ALDH1B1: variants seen among roughly 807,000 people sequenced by gnomAD.
The protein encoded by ALDH1B1 is aldehyde dehydrogenase 1 family member B1, also known as aldehyde dehydrogenase family 1 member B1, mitochondrial.
ALDH1B1 carries 19 observed loss-of-function variants against 26.2 expected under a neutral mutation model. That is an observed-to-expected ratio of 0.72 (90% CI 0.51 to 1.06). The LOEUF (loss-of-function observed/expected upper bound fraction) is 1.06. ALDH1B1 is among the 50% of genes least tolerant of loss of function. The pLI is 0.00. For synonymous variants in ALDH1B1, 249 were observed against 286.0 expected (o/e 0.87, Z 1.31); for missense variants, 671 against 683.1 (o/e 0.98, Z 0.20).
rs1465105958 is a variant in ALDH1B1, at chr9:38,396,109, T to C, written c.361T>C (p.Ser121Pro). The change falls in exon 2 of 2, where the codon TCA (serine) becomes CCA (proline). Residue 121 changes from serine (S) to proline (P), a missense_variant. Physicochemically the swap from Ser to Pro is moderately conservative, Grantham distance 74. Transcript: ENST00000377698. The stretch of plus-strand genomic sequence containing the variant: ...GGAGCGGGATCGAGTCTACTTGGCC[T>C]CACTCGAGACCTTGGACAATGGGAA... ...LVERDRVYLA[S>P]LETLDNGKPF... 6.2e-7 allele frequency: 1 copy of C among 1,614,216 alleles called. No homozygotes were observed. Among genetic ancestry groups the C allele is most frequent in the Middle Eastern group, 1.6e-4 (1 of 6,062 alleles).
Position 38,396,429 on chromosome 9 carries a change from G to A in ALDH1B1, c.681G>A (p.Glu227=). Residue 227 remains glutamate (E), a synonymous_variant, in exon 2 of 2, where the codon GAG becomes GAA. Coordinates refer to ENST00000377698, the MANE Select transcript of ALDH1B1 (RefSeq NM_000692.5). ...TGTATTTGGCCTCCCTCATCAAGGA[G>A]GCAGGCTTTCCCCCTGGGGTGGTGA... The part of the protein sequence containing the change: ...SALYLASLIK[E]AGFPPGVVNI... The A allele has an allele frequency of 6.2e-7, 1 of 1,614,156 alleles. No homozygotes were observed.
rs766769500 is a variant in ALDH1B1, at chr9:38,395,941, A to G, written c.193A>G (p.Ile65Val). The G allele has an allele frequency of 1.2e-6, 2 of 1,613,930 alleles. No individual in the cohort carries two copies. Among genetic ancestry groups the G allele is most frequent in the East Asian group, 4.5e-5 (2 of 44,874 alleles). The change falls in exon 2 of 2, where the codon ATT becomes GTT. Residue 65 changes from isoleucine (I) to valine (V), a missense_variant. Coordinates refer to ENST00000377698, the MANE Select transcript of ALDH1B1 (RefSeq NM_000692.5). Reference sequence around the variant, plus strand: ...GGTCAACCCTACCACCGGGGAGGTCATTGGGCACGTGGCTGAAGGTGACCG... The same window carrying G: ...GGTCAACCCTACCACCGGGGAGGTCGTTGGGCACGTGGCTGAAGGTGACCG... ...PTVNPTTGEV[I>V]GHVAEGDRAD...
chr9:38,395,675 GCCC>G, intron 1 of ALDH1B1, 62 bp from the exon 2 acceptor site: 3 of 1,510,070 alleles, frequency 2.0e-6, no homozygotes, highest in Non-Finnish European at 1.8e-6. Context: ...GAGCTGGTGG[GCCC>G]TTGGGTACCG....
In ALDH1B1 at chr9:38,396,182, T is replaced by C. The variant is rs1281173790; in HGVS notation, c.434T>C (p.Val145Ala). Reference sequence around the variant, plus strand: ...TTGGACTTGGATGAGGTCATCAAGGTGTATCGGTACTTTGCTGGCTGGGCT... The same window carrying C: ...TTGGACTTGGATGAGGTCATCAAGGCGTATCGGTACTTTGCTGGCTGGGCT... ...YALDLDEVIK[V>A]YRYFAGWADK... The change falls in exon 2 of 2, where the codon GTG (valine) becomes GCG (alanine). Residue 145 changes from valine (V) to alanine (A), a missense_variant. Transcript: ENST00000377698. 6.8e-6 allele frequency: 11 copies of C among 1,614,002 alleles called. No individual in the cohort carries two copies. The East Asian group carries it at 2.0e-4, about 29-fold the overall frequency.
At position 38,396,181 on chromosome 9, in the gene ALDH1B1, G is replaced by A. The variant is rs913197561; in HGVS notation, c.433G>A (p.Val145Met). The A allele has an allele frequency of 5.6e-6, 9 of 1,614,098 alleles. 1 individual carries two copies. Among genetic ancestry groups the A allele is most frequent in the South Asian group, 2.2e-5 (2 of 91,090 alleles). The change falls in exon 2 of 2, where the codon GTG becomes ATG. Residue 145 changes from valine to methionine, a missense_variant. By Grantham distance (21) the Val-to-Met change is conservative. Transcript: ENST00000377698. Reference protein sequence around the residue: ...YALDLDEVIKVYRYFAGWADK... With the variant: ...YALDLDEVIKMYRYFAGWADK... ...CTTGGACTTGGATGAGGTCATCAAG[G>A]TGTATCGGTACTTTGCTGGCTGGGC... is the stretch of plus-strand genomic sequence containing the variant.
rs1170180690 is a variant in ALDH1B1 at position 38,396,984 on chromosome 9, T to C, written c.1236T>C (p.Ile412=). ...GTGGCGTGCAGGATGACATGAGAAT[T>C]GCCAAAGAGGAGATCTTTGGGCCTG... is the stretch of plus-strand genomic sequence containing the variant. The part of the protein sequence containing the change: ...VFGGVQDDMR[I]AKEEIFGPVQ... The change falls in exon 2 of 2, where the codon ATT becomes ATC. Residue 412 remains isoleucine (I), a synonymous_variant. Coordinates refer to ENST00000377698, the MANE Select transcript of ALDH1B1 (RefSeq NM_000692.5). The C allele has an allele frequency of 3.1e-6, 5 of 1,614,132 alleles. No individual in the cohort carries two copies. The highest frequency in any genetic ancestry group is 4.2e-6 in the Non-Finnish European group (5 of 1,180,012).
rs1391603644 is a variant in ALDH1B1, at chr9:38,396,816, C to T, written c.1068C>T (p.Thr356=). The change falls in exon 2 of 2, where the codon ACC becomes ACT. Residue 356 remains threonine, a synonymous_variant. Transcript: ENST00000377698. ...TGGGGAACCCCTTTGAGCTGGACAC[C>T]CAGCAGGGGCCTCAGGTGGACAAGG... The part of the protein sequence containing the change: ...RKVGNPFELD[T]QQGPQVDKEQ... 6.2e-7 allele frequency: 1 copy of T among 1,614,158 alleles called. No individual in the cohort carries two copies. Among genetic ancestry groups the T allele is most frequent in the Non-Finnish European group, 8.5e-7 (1 of 1,180,034 alleles).
Position 38,395,814 on chromosome 9 carries a change from A to G in ALDH1B1, c.66A>G (p.Ala22=). ...LQGRTARYSS[A]AALPSPILNP... ...GCAGGACCGCCCGCTACTCCTCGGC[A>G]GCAGCCCTCCCAAGCCCCATTCTGA... The change falls in exon 2 of 2, where the codon GCA becomes GCG. Residue 22 remains alanine, a synonymous_variant. Transcript: ENST00000377698. 6.2e-7 allele frequency: 1 copy of G among 1,612,890 alleles called. No individual in the cohort carries two copies.
At position 38,398,436 on chromosome 9, in the gene ALDH1B1, T is replaced by C. The variant is rs1217637879; in HGVS notation, c.*1134T>C. 6.6e-6 allele frequency: 1 copy of C among 152,160 alleles called. No homozygotes were observed. Among genetic ancestry groups the C allele is most frequent in the Non-Finnish European group, 1.5e-5 (1 of 67,864 alleles). The allele number at this position is 152,160 out of a possible 1,614,324, so 9.4% of individuals were successfully genotyped here. A position where few individuals can be genotyped will look rare whatever the true frequency, so the allele number is the denominator to read the frequency against. On this transcript the variant is annotated 3_prime_UTR_variant, in exon 2 of 2. Transcript: ENST00000377698. ...TTCAAGCGATTCTCCTGTCTCAGCC[T>C]CCTGAGTAGCTGGGATTATAGGTAC...
In ALDH1B1 at chr9:38,395,950, G is replaced by A. The variant is rs143477600; in HGVS notation, c.202G>A (p.Val68Met). 5.0e-6 allele frequency: 8 copies of A among 1,613,746 alleles called. No homozygotes were observed. Among genetic ancestry groups the A allele is most frequent in the African/African-American group, 2.7e-5 (2 of 75,062 alleles). Residue 68 changes from valine (V) to methionine (M), a missense_variant, in exon 2 of 2, where the codon GTG (valine) becomes ATG (methionine). By Grantham distance (21) the Val-to-Met change is conservative (BLOSUM62 1). Coordinates refer to ENST00000377698, the MANE Select transcript of ALDH1B1 (RefSeq NM_000692.5). ...NPTTGEVIGH[V>M]AEGDRADVDR... is the part of the protein sequence containing the mutation. ...TACCACCGGGGAGGTCATTGGGCAC[G>A]TGGCTGAAGGTGACCGGGCTGATGT...
At position 38,397,152 on chromosome 9, in the gene ALDH1B1, G is replaced by T. The variant is rs1388161448; in HGVS notation, c.1404G>T (p.Val468=). The T allele has an allele frequency of 2.5e-6, 4 of 1,614,100 alleles. No homozygotes were observed. The highest frequency in any genetic ancestry group is 3.4e-6 in the Non-Finnish European group (4 of 1,180,054). ...YFTQALQAGT[V]WVNTYNIVTC... is the part of the protein sequence containing the mutation. ...CCCAGGCACTCCAGGCCGGGACCGT[G>T]TGGGTAAACACCTACAACATCGTCA... The change falls in exon 2 of 2, where the codon GTG becomes GTT. Residue 468 remains valine, a synonymous_variant. Coordinates refer to ENST00000377698, the MANE Select transcript of ALDH1B1 (RefSeq NM_000692.5).
chr9:38,398,267 A>T lies in ALDH1B1; in HGVS notation c.*965A>T, dbSNP rs1821327225. 2 of 166,054 alleles carry T rather than the reference A, an allele frequency of 1.2e-5. No homozygotes were observed. The highest frequency in any genetic ancestry group is 6.6e-5 in the Admixed American group (1 of 15,182). The allele number at this position is 166,054 out of a possible 1,614,324, so 10.3% of individuals were successfully genotyped here. On this transcript the variant is annotated 3_prime_UTR_variant, in exon 2 of 2. Coordinates refer to ENST00000377698, the MANE Select transcript of ALDH1B1 (RefSeq NM_000692.5). ...TGATTTGGTAAAAATACTAAAAACTATGGAATTGTTTAATTATGGTATATG... is the reference window on the plus strand; with the variant it reads ...TGATTTGGTAAAAATACTAAAAACTTTGGAATTGTTTAATTATGGTATATG...
chr9:38,394,557 G>A lies in ALDH1B1; in HGVS notation c.-9-1183G>A, dbSNP rs565152381. 149 of 983,218 alleles carry A rather than the reference G, an allele frequency of 1.5e-4. No individual in the cohort carries two copies. In the African/African-American group the frequency reaches 2.3e-3, roughly 15 times the overall value. 60.9% of individuals were successfully genotyped at this position (983,218 alleles called of 1,614,324 possible). A position where few individuals can be genotyped will look rare whatever the true frequency, so the allele number is the denominator to read the frequency against. ...TCCTTCCACTTCGGCCTACCAAAGC[G>A]TTACCAGCGTAAGCCACCACGCCCA... On this transcript the variant is annotated intron_variant, in intron 1 of 1. Transcript: ENST00000377698.
At position 38,396,268 on chromosome 9, in the gene ALDH1B1, G is replaced by A. The variant is rs770082110; in HGVS notation, c.520G>A (p.Glu174Lys). Residue 174 changes from glutamate (E) to lysine (K), a missense_variant, in exon 2 of 2, where the codon GAG (glutamate) becomes AAG (lysine). Transcript: ENST00000377698. ...CCAGCATTTCTGCTTCACCCGGCAT[G>A]AGCCCGTTGGTGTCTGTGGCCAGAT... ...DGQHFCFTRH[E>K]PVGVCGQIIP... is the part of the protein sequence containing the mutation. 6.8e-6 allele frequency: 11 copies of A among 1,614,182 alleles called. No homozygotes were observed. The highest frequency in any genetic ancestry group is 7.6e-6 in the Non-Finnish European group (9 of 1,180,028).
At position 38,397,297 on chromosome 9, in the gene ALDH1B1, T is replaced by G. The variant is rs779796689; in HGVS notation, c.1549T>G (p.Ser517Ala). The G allele has an allele frequency of 1.2e-6, 2 of 1,607,476 alleles. No individual in the cohort carries two copies. The highest frequency in any genetic ancestry group is 2.2e-5 in the South Asian group (2 of 90,418). The change falls in exon 2 of 2, where the codon TCG (serine) becomes GCG (alanine). Residue 517 changes from serine (S) to alanine (A), a missense_variant. Transcript: ENST00000377698. ...TVTIKVPQKNS is the reference protein window; with the variant it reads ...TVTIKVPQKNA Reference sequence around the variant, plus strand: ...CACCATCAAGGTTCCTCAGAAGAACTCGTAAGAGCAGCTGTCAGGGAGGCC... The same window carrying G: ...CACCATCAAGGTTCCTCAGAAGAACGCGTAAGAGCAGCTGTCAGGGAGGCC...
rs1328549173 is a variant in ALDH1B1, at chr9:38,397,828, C to T, written c.*526C>T. ...TAGTTGCTTGCCCTTCATTTTGCTA[C>T]TGATTTTCCTTAATTTGTGGGAAGG... On this transcript the variant is annotated 3_prime_UTR_variant, in exon 2 of 2. Transcript: ENST00000377698. 6.0e-6 allele frequency: 1 copy of T among 167,910 alleles called. No individual in the cohort carries two copies. Among genetic ancestry groups the T allele is most frequent in the Non-Finnish European group, 1.5e-5 (1 of 68,720 alleles). 10.4% of individuals were successfully genotyped at this position (167,910 alleles called of 1,614,324 possible).
In ALDH1B1 at chr9:38,396,541, G is replaced by C; in HGVS notation, c.793G>C (p.Glu265Gln). 6.2e-7 allele frequency: 1 copy of C among 1,613,888 alleles called. No homozygotes were observed. The highest frequency in any genetic ancestry group is 8.5e-7 in the Non-Finnish European group (1 of 1,179,964). ...CAAAGTTGCCTTCACCGGTTCCACC[G>C]AGGTGGGCCACCTGATCCAGAAAGC... The part of the protein sequence containing the change: ...VDKVAFTGST[E>Q]VGHLIQKAAG... Residue 265 changes from glutamate to glutamine, a missense_variant, in exon 2 of 2, where the codon GAG becomes CAG. Glu to Gln is a conservative substitution (Grantham distance 29). Coordinates refer to ENST00000377698, the MANE Select transcript of ALDH1B1 (RefSeq NM_000692.5).
In ALDH1B1 at chr9:38,396,636, C is replaced by T. The variant is rs745618507; in HGVS notation, c.888C>T (p.Ala296=). 9 of 1,614,092 alleles carry T rather than the reference C, an allele frequency of 5.6e-6. No individual in the cohort carries two copies. Among genetic ancestry groups the T allele is most frequent in the Admixed American group, 1.7e-5 (1 of 60,018 alleles). ...GTAAGAGCCCCAGCATCGTGCTGGCCGATGCTGACATGGAGCATGCCGTGG... is the reference window on the plus strand; with the variant it reads ...GTAAGAGCCCCAGCATCGTGCTGGCTGATGCTGACATGGAGCATGCCGTGG... ...LGGKSPSIVL[A]DADMEHAVEQ... Residue 296 remains alanine, a synonymous_variant, in exon 2 of 2, where the codon GCC becomes GCT. Coordinates refer to ENST00000377698, the MANE Select transcript of ALDH1B1 (RefSeq NM_000692.5).
Position 38,396,178 on chromosome 9 carries a change from A to G in ALDH1B1, c.430A>G (p.Lys144Glu). Residue 144 changes from lysine to glutamate, a missense_variant, in exon 2 of 2, where the codon AAG becomes GAG. Lys to Glu is a moderately conservative substitution (Grantham distance 56, BLOSUM62 1). Coordinates refer to ENST00000377698, the MANE Select transcript of ALDH1B1 (RefSeq NM_000692.5). ...CGCCTTGGACTTGGATGAGGTCATCAAGGTGTATCGGTACTTTGCTGGCTG... is the reference window on the plus strand; with the variant it reads ...CGCCTTGGACTTGGATGAGGTCATCGAGGTGTATCGGTACTTTGCTGGCTG... ...SYALDLDEVIKVYRYFAGWAD... is the reference protein window; with the variant it reads ...SYALDLDEVIEVYRYFAGWAD... The G allele has an allele frequency of 6.2e-7, 1 of 1,614,176 alleles. No individual in the cohort carries two copies. Among genetic ancestry groups the G allele is most frequent in the Non-Finnish European group, 8.5e-7 (1 of 1,180,028 alleles).
Sources: allele counts gnomAD v4.1 joint callset, GRCh38; gene constraint gnomAD v4.1.1; transcripts MANE v1.5; gene names NCBI Gene and HGNC (gene_info 2026-07-23, HGNC 2026-07-21).